TMEM268: variants seen among roughly 807,000 people sequenced by gnomAD.
The protein encoded by TMEM268 is transmembrane protein C9orf91.
A neutral mutation model predicts 39.1 loss-of-function variants in TMEM268; 24 were observed. The ratio of observed to expected loss-of-function variants is 0.61; its 90% CI spans 0.44 to 0.86. The LOEUF is 0.86. Among genes scored for constraint, TMEM268 ranks in the 40% least tolerant of loss-of-function variants. The pLI is 0.00. For synonymous variants in TMEM268, 176 were observed against 173.5 expected (o/e 1.01, Z -0.12); for missense variants, 409 against 428.6 (o/e 0.95, Z 0.40).
At chr9:114,642,013 T>C (rs1334887940) in intron 8 of TMEM268, among the ~76,000 whole-genome samples, 1 of 152,196 alleles carries the variant, frequency 6.6e-6, no homozygotes, top group East Asian at 1.9e-4. Context: ...CTTAAAATTG[T>C]TTTATTGTGG....
intron 2 of TMEM268, chr9:114,622,040 C>T: frequency 5.1e-6 from 5 of 972,446 alleles, no homozygotes; most frequent in Non-Finnish European, 6.1e-6. Flanking sequence ...CTGCAGAGGG[C>T]CAAGGGAGAG....
chr9:114,630,308 A>G (rs1846341237), intron 5 of TMEM268, among the ~76,000 whole-genome samples: 1 of 152,014 alleles, frequency 6.6e-6, no homozygotes, highest in Non-Finnish European at 1.5e-5. Context: ...CCATCCATCC[A>G]TCCATCCAAG....
intron 2 of TMEM268, chr9:114,622,617 G>C: frequency 1.9e-6 from 1 of 524,772 alleles, no homozygotes; most frequent in Non-Finnish European, 2.4e-6. Context: ...GAGGGCGGGG[G>C]CTTTGGTAGC....
chr9:114,607,006 T>G (rs905214223), upstream of TMEM268, among the ~76,000 whole-genome samples: 8 of 152,200 alleles, frequency 5.3e-5, no homozygotes, highest in Non-Finnish European at 7.3e-5. Flanking sequence ...AAAAGTTCAT[T>G]CTCTTACTTC....
intron 2 of TMEM268, 57 bp downstream of exon 2, chr9:114,617,358 C>G (rs906578639): frequency 1.3e-5 from 18 of 1,333,802 alleles, no homozygotes; most frequent in Non-Finnish European, 1.3e-5. Flanking sequence ...GAACTGGACT[C>G]ACAGGGCACA....
At chr9:114,616,439 C>T (rs1384371840) in intron 1 of TMEM268, among the ~76,000 whole-genome samples, 1 of 152,102 alleles carries the variant, frequency 6.6e-6, no homozygotes, top group Non-Finnish European at 1.5e-5. Context: ...AATCTCAGCT[C>T]ACTGCAACCT....
At chr9:114,629,925 T>C (rs938469875) in intron 5 of TMEM268, among the ~76,000 whole-genome samples, 6 of 152,234 alleles carry the variant, frequency 3.9e-5, no homozygotes, top group African/African-American at 1.2e-4. Flanking sequence ...GAAGCTTTCA[T>C]GGCCCTTGTG....
rs1564301411 is a variant in TMEM268, at chr9:114,638,559, A to G, written c.682A>G (p.Arg228Gly). 1 of 1,579,258 alleles carries G rather than the reference A, an allele frequency of 6.3e-7. No individual in the cohort carries two copies. ...KTSQESLLRS[R>G]LSQLCVVMET... is the part of the protein sequence containing the mutation. ...TCCTTTGCAGTCCTTGCTGAGAAGC[A>G]GATTGAGCCAGTTGTGTGTTGTCAT... is the stretch of plus-strand genomic sequence containing the variant. Residue 228 changes from arginine to glycine, a missense_variant, in exon 8 of 9, where the codon AGA becomes GGA. Arg to Gly is a moderately radical substitution (Grantham distance 125). Transcript: ENST00000288502.
chr9:114,611,343 C>T lies in TMEM268; in HGVS notation c.-300C>T, dbSNP rs1323451598. 1 of 151,922 alleles carries T rather than the reference C, an allele frequency of 6.6e-6. No individual in the cohort carries two copies. Among genetic ancestry groups the T allele is most frequent in the African/African-American group, 2.4e-5 (1 of 41,372 alleles). The allele number at this position is 151,922 out of a possible 1,614,324, so 9.4% of individuals were successfully genotyped here. A position where few individuals can be genotyped will look rare whatever the true frequency, so the allele number is the denominator to read the frequency against. On this transcript the variant is annotated 5_prime_UTR_variant, in exon 1 of 9. Transcript: ENST00000288502. ...CGCCGCGGGCCCGGGAGGCGCGTTC[C>T]CTCTTGGCCCCAAAGCGAGTCCGGC... is the stretch of plus-strand genomic sequence containing the variant.
chr9:114,618,291 C>T (rs1316994653), intron 2 of TMEM268, among the ~76,000 whole-genome samples: 1 of 152,176 alleles, frequency 6.6e-6, no homozygotes, highest in Non-Finnish European at 1.5e-5. Flanking sequence ...GCTGTTTTGC[C>T]TCAGGACCTT....
upstream of TMEM268, among the ~76,000 whole-genome samples, chr9:114,607,610 G>A (rs1845383674): frequency 6.6e-6 from 1 of 152,148 alleles, no homozygotes; most frequent in Non-Finnish European, 1.5e-5. Flanking sequence ...AGCCAAGATC[G>A]CGCTGCTGTA....
At chr9:114,609,301 A>AC (rs1332714157), upstream of TMEM268, among the ~76,000 whole-genome samples, 2 of 149,106 alleles carry the variant, frequency 1.3e-5, no homozygotes, top group African/African-American at 2.5e-5. Context: ...ACAGAGCGAG[A>AC]CCCCATCTCA....
At chr9:114,624,926 A>G (rs562071183) in intron 3 of TMEM268, among the ~76,000 whole-genome samples, 40 of 152,324 alleles carry the variant, frequency 2.6e-4, no homozygotes, top group Non-Finnish European at 4.3e-4. Flanking sequence ...ATAAATAGGA[A>G]TATGCTGGGT....
rs375639569 is a variant in TMEM268, at chr9:114,633,886, G to A, written c.585+8G>A. The A allele has an allele frequency of 3.6e-5, 55 of 1,527,094 alleles. No homozygotes were observed. In the African/African-American group the frequency reaches 5.8e-4, roughly 16 times the overall value. 94.6% of individuals were successfully genotyped at this position (1,527,094 alleles called of 1,614,324 possible). A position where few individuals can be genotyped will look rare whatever the true frequency, so the allele number is the denominator to read the frequency against. ...TGCCAGAGTGTGATTCAGGTGCTGT[G>A]TCTCATAGTTACCTCTTCCTGATGG... On this transcript the variant is annotated splice_region_variant and intron_variant, in intron 6 of 8. Coordinates refer to ENST00000288502, the MANE Select transcript of TMEM268 (RefSeq NM_153045.4).
At chr9:114,632,565 C>T (rs1564296098) in intron 5 of TMEM268, among the ~76,000 whole-genome samples, 1 of 152,160 alleles carries the variant, frequency 6.6e-6, no homozygotes, top group Non-Finnish European at 1.5e-5. Flanking sequence ...TGCGTGGCGT[C>T]CATTGGTTTG....
intron 1 of TMEM268, among the ~76,000 whole-genome samples, chr9:114,614,914 T>C (rs1845642928): frequency 7.0e-6 from 1 of 143,876 alleles, no homozygotes; most frequent in Admixed American, 7.1e-5. Context: ...TTTTTTTTTT[T>C]AAGATGGAGT....
At chr9:114,641,280 C>T (rs1778186183) in intron 8 of TMEM268, among the ~76,000 whole-genome samples, 1 of 152,204 alleles carries the variant, frequency 6.6e-6, no homozygotes, top group African/African-American at 2.4e-5. Context: ...AGTGACTGCT[C>T]TGGGTTAGTC....
the TMEM268 span, among the ~76,000 whole-genome samples, chr9:114,604,644 G>C: frequency 1.1e-4 from 16 of 149,190 alleles, no homozygotes; most frequent in Admixed American, 7.3e-4. Context: ...GTGTAACCTT[G>C]TGGTAACATC....
At chr9:114,633,352 G>A (rs1296179357) in intron 5 of TMEM268, among the ~76,000 whole-genome samples, 1 of 152,022 alleles carries the variant, frequency 6.6e-6, no homozygotes, top group Non-Finnish European at 1.5e-5. Flanking sequence ...AGTAGAGAAG[G>A]GGTTTCACCA....
Sources: gnomAD v4.1 joint callset for allele counts (sites outside exome capture counted in the v4.1 genomes callset) on GRCh38, gnomAD v4.1.1 for gene constraint, MANE v1.5 for transcripts, NCBI Gene and HGNC (gene_info 2026-07-23, HGNC 2026-07-21) for gene names.